Variants in JAKMIP1 observed in about 807,000 individuals in gnomAD.
JAKMIP1 encodes the protein janus kinase and microtubule interacting protein 1.
JAKMIP1 carries 33 observed loss-of-function variants against 113.0 expected under a neutral mutation model. The observed-to-expected ratio is 0.29, with a 90% CI of 0.22 to 0.39. JAKMIP1 has a LOEUF of 0.39. Among genes scored for constraint, JAKMIP1 ranks in the 10% least tolerant of loss-of-function variants. The probability of loss-of-function intolerance (pLI) is 1.00; values close to 1 mark genes in which losing one functional copy is unlikely to be tolerated. For synonymous variants in JAKMIP1, 480 were observed against 459.9 expected (o/e 1.04, Z -0.56); for missense variants, 813 against 1,080.5 (o/e 0.75, Z 3.47).
intron 8 of JAKMIP1, among the ~76,000 whole-genome samples, chr4:6,075,777 C>T (rs1719614674): frequency 6.6e-6 from 1 of 152,214 alleles, no homozygotes; most frequent in African/African-American, 2.4e-5. Flanking sequence ...CCACAGTGGG[C>T]AGGACAGACA....
In JAKMIP1 at chr4:6,135,649, G is replaced by A. The variant is rs1719121583; in HGVS notation, c.-147-22652C>T. 6.6e-6 allele frequency among the ~76,000 whole-genome samples: 1 copy of A among 152,146 alleles called. No individual in the cohort carries two copies. The highest frequency in any genetic ancestry group is 2.4e-5 in the African/African-American group (1 of 41,424). On this transcript the variant is annotated intron_variant, in intron 1 of 20. Coordinates refer to ENST00000409021, the MANE Select transcript of JAKMIP1 (RefSeq NM_001099433.2). The surrounding 1 kb of genome is among the most constrained non-coding windows in gnomAD (Gnocchi z 4.9). ...ATAATCTAGTTCCCTGCATACCACT[G>A]CATCAACCATACCACCCCCGCTGAG...
chr4:6,126,807 C>A (rs947644130), intron 1 of JAKMIP1, among the ~76,000 whole-genome samples: 62 of 152,092 alleles, frequency 4.1e-4, no homozygotes, highest in Non-Finnish European at 7.4e-4. Flanking sequence ...CACGCACACA[C>A]ATCATACAGA....
At chr4:6,052,590 G>A (rs1027056082) in intron 13 of JAKMIP1, among the ~76,000 whole-genome samples, 1 of 146,980 alleles carries the variant, frequency 6.8e-6, no homozygotes, top group African/African-American at 2.6e-5. Flanking sequence ...AGGTTGCAGT[G>A]AGCCAAGAGT....
Position 6,143,552 on chromosome 4 carries a change from C to T in JAKMIP1, c.-147-30555G>A, listed in dbSNP as rs558306221. ...TGGCCTCTTTCAGTTATGCCTCCAGCCCCTGGATAATATTTTTAAACTTTT... is the reference window on the plus strand; with the variant it reads ...TGGCCTCTTTCAGTTATGCCTCCAGTCCCTGGATAATATTTTTAAACTTTT... On this transcript the variant is annotated intron_variant, in intron 1 of 20. Coordinates refer to ENST00000409021, the MANE Select transcript of JAKMIP1 (RefSeq NM_001099433.2). This position sits in a 1 kb window ranked among gnomAD's most constrained non-coding sequence, Gnocchi z 4.9. 6.6e-6 allele frequency among the ~76,000 whole-genome samples: 1 copy of T among 152,294 alleles called. No homozygotes were observed. Among genetic ancestry groups the T allele is most frequent in the East Asian group, 1.9e-4 (1 of 5,174 alleles).
Position 6,167,059 on chromosome 4 carries a change from G to A in JAKMIP1, c.-148+33194C>T, listed in dbSNP as rs13112868. ...ATGTGCTACCCCACATCAAGTACTT[G>A]GAACAGTGCCTGGTGCGTAGGGGGT... On this transcript the variant is annotated intron_variant, in intron 1 of 20. Coordinates refer to ENST00000409021, the MANE Select transcript of JAKMIP1 (RefSeq NM_001099433.2). This position sits in a 1 kb window ranked among gnomAD's most constrained non-coding sequence, Gnocchi z 5.3. Among the ~76,000 whole-genome samples the A allele has an allele frequency of 0.61, 92,632 of 151,970 alleles. 29,011 individuals carry two copies. The highest frequency in any genetic ancestry group is 0.76 in the East Asian group (3,943 of 5,172).
rs1001172204 is a variant in JAKMIP1 at position 6,184,959 on chromosome 4, C to A, written c.-148+15294G>T. On this transcript the variant is annotated intron_variant, in intron 1 of 20. Coordinates refer to ENST00000409021, the MANE Select transcript of JAKMIP1 (RefSeq NM_001099433.2). The surrounding 1 kb of genome is among the most constrained non-coding windows in gnomAD (Gnocchi z 4.5). ...AGAGCAGACTTGCTGAGTCTTCCGG[C>A]CTCCATCTTTCTCCCGTGCTGGATG... 5.3e-5 allele frequency among the ~76,000 whole-genome samples: 8 copies of A among 152,196 alleles called. No individual in the cohort carries two copies. Among genetic ancestry groups the A allele is most frequent in the Non-Finnish European group, 8.8e-5 (6 of 68,028 alleles).
chr4:6,167,990 G>A lies in JAKMIP1; in HGVS notation c.-148+32263C>T, dbSNP rs1425307982. ...AGTCCGCCCATCCTCCACATCACCC[G>A]GTGTTCAACAGGGAAGACACACAAA... On this transcript the variant is annotated intron_variant, in intron 1 of 20. Coordinates refer to ENST00000409021, the MANE Select transcript of JAKMIP1 (RefSeq NM_001099433.2). The surrounding 1 kb of genome is among the most constrained non-coding windows in gnomAD (Gnocchi z 5.3). Among the ~76,000 whole-genome samples the A allele has an allele frequency of 2.6e-5, 4 of 152,134 alleles. No individual in the cohort carries two copies. The highest frequency in any genetic ancestry group is 2.9e-5 in the Non-Finnish European group (2 of 68,032).
chr4:6,027,555 A>G (rs1712028101), intron 20 of JAKMIP1, among the ~76,000 whole-genome samples: 2 of 152,144 alleles, frequency 1.3e-5, no homozygotes, highest in African/African-American at 4.8e-5. Flanking sequence ...CGATGCCTGT[A>G]AGGAAATGAA....
chr4:6,036,131 C>T lies in JAKMIP1; in HGVS notation c.2176-24G>A, dbSNP rs545009121. On this transcript the variant is annotated intron_variant, in intron 18 of 20. Transcript: ENST00000409021. Reference sequence around the variant, plus strand: ...TTCTGAGGACCCCAGATCACACAGACAGAGGAAGGTCACAAGGAGGTGGAC... The same window carrying T: ...TTCTGAGGACCCCAGATCACACAGATAGAGGAAGGTCACAAGGAGGTGGAC... 5.3e-6 allele frequency: 8 copies of T among 1,513,942 alleles called. No homozygotes were observed. In the African/African-American group the frequency reaches 6.9e-5, roughly 13 times the overall value. The allele number at this position is 1,513,942 out of a possible 1,614,324, so 93.8% of individuals were successfully genotyped here.
At chr4:6,071,225 G>A (rs955987192) in intron 8 of JAKMIP1, among the ~76,000 whole-genome samples, 1 of 152,174 alleles carries the variant, frequency 6.6e-6, no homozygotes, top group African/African-American at 2.4e-5. Flanking sequence ...ACCCGGCCAG[G>A]TAGTGCAGAC....
In JAKMIP1 at chr4:6,168,975, A is replaced by G. The variant is rs1723995969; in HGVS notation, c.-148+31278T>C. On this transcript the variant is annotated intron_variant, in intron 1 of 20. Transcript: ENST00000409021. This position sits in a 1 kb window ranked among gnomAD's most constrained non-coding sequence, Gnocchi z 4.6. ...TGGTTGTCAGGGGTCACGTGAAAGG[A>G]AGAGTTGGTGGTGGGGACTGTTAAT... Among the ~76,000 whole-genome samples, 1 of 152,052 alleles carries G rather than the reference A, an allele frequency of 6.6e-6. No individual in the cohort carries two copies. The highest frequency in any genetic ancestry group is 2.1e-4 in the South Asian group (1 of 4,814).
chr4:6,072,813 C>T (rs1290939719), intron 8 of JAKMIP1, among the ~76,000 whole-genome samples: 1 of 151,980 alleles, frequency 6.6e-6, no homozygotes, highest in African/African-American at 2.4e-5. Context: ...AATGCATGCA[C>T]ATGATGAAAA....
In JAKMIP1 at chr4:6,194,889, A is replaced by G. The variant is rs1727680170; in HGVS notation, c.-148+5364T>C. On this transcript the variant is annotated intron_variant, in intron 1 of 20. Coordinates refer to ENST00000409021, the MANE Select transcript of JAKMIP1 (RefSeq NM_001099433.2). The surrounding 1 kb of genome is among the most constrained non-coding windows in gnomAD (Gnocchi z 7.4). ...CTGAGGATGCTTGCAAGCCCTGGAA[A>G]GGATAAAGGGGCCACCTCAGACCAC... Among the ~76,000 whole-genome samples the G allele has an allele frequency of 6.6e-6, 1 of 152,100 alleles. No individual in the cohort carries two copies. Among genetic ancestry groups the G allele is most frequent in the Non-Finnish European group, 1.5e-5 (1 of 68,010 alleles).
rs1722084890 is a variant in JAKMIP1, at chr4:6,155,209, T to G, written c.-147-42212A>C. The stretch of plus-strand genomic sequence containing the variant: ...GAGCTTCCCTCCGCAGTGACCCTGG[T>G]GTGCCCACGAGGAGGACGAATGCTC... On this transcript the variant is annotated intron_variant, in intron 1 of 20. Transcript: ENST00000409021. The surrounding 1 kb of genome is among the most constrained non-coding windows in gnomAD (Gnocchi z 6.1). Among the ~76,000 whole-genome samples, 1 of 152,126 alleles carries G rather than the reference T, an allele frequency of 6.6e-6. No homozygotes were observed. Among genetic ancestry groups the G allele is most frequent in the African/African-American group, 2.4e-5 (1 of 41,418 alleles).
intron 1 of JAKMIP1, among the ~76,000 whole-genome samples, chr4:6,147,717 C>T (rs1721027357): frequency 6.6e-6 from 1 of 152,242 alleles, no homozygotes; most frequent in East Asian, 1.9e-4. Context: ...TCTGTCTCCG[C>T]ACCTGCCTCT....
At position 6,141,067 on chromosome 4, in the gene JAKMIP1, C is replaced by T. The variant is rs1049099390; in HGVS notation, c.-147-28070G>A. Among the ~76,000 whole-genome samples, 2 of 152,238 alleles carry T rather than the reference C, an allele frequency of 1.3e-5. No homozygotes were observed. Among genetic ancestry groups the T allele is most frequent in the Non-Finnish European group, 2.9e-5 (2 of 68,046 alleles). ...GCATGGGCCCCCTGCCCAGCATTCA[C>T]AGCGAAGAAGCCTCAGTCAGTCACT... On this transcript the variant is annotated intron_variant, in intron 1 of 20. Coordinates refer to ENST00000409021, the MANE Select transcript of JAKMIP1 (RefSeq NM_001099433.2). This position sits in a 1 kb window ranked among gnomAD's most constrained non-coding sequence, Gnocchi z 9.4.
Position 6,188,123 on chromosome 4 carries a change from A to C in JAKMIP1, c.-148+12130T>G, listed in dbSNP as rs189799453. ...GGTTCCAGTAAATGGGAGCCAATCA[A>C]TTATTTATCCAAGAGTCTCTGAACA... On this transcript the variant is annotated intron_variant, in intron 1 of 20. Coordinates refer to ENST00000409021, the MANE Select transcript of JAKMIP1 (RefSeq NM_001099433.2). This position sits in a 1 kb window ranked among gnomAD's most constrained non-coding sequence, Gnocchi z 5.8. Among the ~76,000 whole-genome samples the C allele has an allele frequency of 1.8e-4, 27 of 152,288 alleles. No individual in the cohort carries two copies. The highest frequency in any genetic ancestry group is 2.4e-4 in the Non-Finnish European group (16 of 68,014).
At position 6,036,052 on chromosome 4, in the gene JAKMIP1, C is replaced by A; in HGVS notation, c.2231G>T (p.Arg744Leu). ...LYTALQQEPGRRAGEALSEGQ... is the reference protein window; with the variant it reads ...LYTALQQEPGLRAGEALSEGQ... ...CTCGCTCAGCGCCTCACCGGCCCTC[C>A]GCCCCGGCTCCTGCTGCAGCGCTGT... The change falls in exon 19 of 21, where the codon CGG (arginine) becomes CTG (leucine). Residue 744 changes from arginine to leucine, a missense_variant. Transcript: ENST00000409021. The A allele has an allele frequency of 6.4e-7, 1 of 1,556,420 alleles. No individual in the cohort carries two copies. The highest frequency in any genetic ancestry group is 8.7e-7 in the Non-Finnish European group (1 of 1,149,698).
rs1716952861 is a variant in JAKMIP1, at chr4:6,059,435, CTCCCACTGTA to C, written c.1644+979_1644+988del. Among the ~76,000 whole-genome samples, 1 of 152,162 alleles carries C rather than the reference CTCCCACTGTA, an allele frequency of 6.6e-6. No individual in the cohort carries two copies. Among genetic ancestry groups the C allele is most frequent in the Non-Finnish European group, 1.5e-5 (1 of 68,016 alleles). On this transcript the variant is annotated intron_variant, in intron 11 of 20. Coordinates refer to ENST00000409021, the MANE Select transcript of JAKMIP1 (RefSeq NM_001099433.2). This position sits in a 1 kb window ranked among gnomAD's most constrained non-coding sequence, Gnocchi z 4.8. ...ACACCCCTTGCTTCACACCCGCCTCCTCCCACTGTATCCCACCAGGCCTAGGAACTGTGGT... is the reference window on the plus strand; with the variant it reads ...ACACCCCTTGCTTCACACCCGCCTCCTCCCACCAGGCCTAGGAACTGTGGT...
Sources: allele counts gnomAD v4.1 joint callset (sites outside exome capture counted in the v4.1 genomes callset), GRCh38; gene constraint gnomAD v4.1.1; non-coding constraint Gnocchi (gnomAD v3.1); transcripts MANE v1.5; gene names NCBI Gene and HGNC (gene_info 2026-07-23, HGNC 2026-07-21).